GPRIN1: variants seen among roughly 807,000 people sequenced by gnomAD.
GPRIN1 encodes the protein G protein-regulated inducer of neurite outgrowth 1.
Under a neutral mutation model 2.8 loss-of-function variants are expected in GPRIN1, and 4 were observed. That is an observed-to-expected ratio of 1.45 (90% CI 0.71 to 3.32). The LOEUF (loss-of-function observed/expected upper bound fraction) is 3.32, where lower values mean the gene tolerates loss of function less well. Among genes scored for constraint, GPRIN1 ranks in the 30% most tolerant of loss-of-function variants. GPRIN1 has a pLI of 0.01. For synonymous variants in GPRIN1, 589 were observed against 589.9 expected, an observed-to-expected ratio of 1.00 and a Z score of 0.02; for missense variants, 1,322 against 1,343.4, an observed-to-expected ratio of 0.98 and a Z score of 0.25.
Position 176,598,822 on chromosome 5 carries a change from G to C in GPRIN1, c.1013C>G (p.Ala338Gly). The stretch of plus-strand genomic sequence containing the variant: ...ATCCAGCCTTCCCAAGGACCCAGGA[G>C]CCCCGGTCCCAGAGGATACAGGCCC... ...KNGPVSSGTG[A>G]PGSLGRLDPT... The change falls in exon 2 of 2, where the codon GCT (alanine) becomes GGT (glycine). Residue 338 changes from alanine to glycine, a missense_variant. By Grantham distance (60) the Ala-to-Gly change is moderately conservative (BLOSUM62 0). Transcript: ENST00000303991. 6.2e-7 allele frequency: 1 copy of C among 1,613,424 alleles called. No individual in the cohort carries two copies. The highest frequency in any genetic ancestry group is 8.5e-7 in the Non-Finnish European group (1 of 1,179,878).
At position 176,596,609 on chromosome 5, in the gene GPRIN1, TG is replaced by T; in HGVS notation, c.*198del. ...AGGGCTGGCCGGGTTCGTGGCCTCG[TG>T]GCCACGAGGGAGCTTGGTAGAAGGG... On this transcript the variant is annotated 3_prime_UTR_variant, in exon 2 of 2. Transcript: ENST00000303991. This position sits in a 1 kb window ranked among gnomAD's most constrained non-coding sequence, Gnocchi z 5.2. 2.9e-6 allele frequency: 1 copy of T among 345,290 alleles called. No individual in the cohort carries two copies. The highest frequency in any genetic ancestry group is 4.8e-6 in the Non-Finnish European group (1 of 206,978). 21.4% of individuals were successfully genotyped at this position (345,290 alleles called of 1,614,324 possible). A position where few individuals can be genotyped will look rare whatever the true frequency, so the allele number is the denominator to read the frequency against.
At chr5:176,603,798 C>T (rs914962893) in intron 1 of GPRIN1, among the ~76,000 whole-genome samples, 1 of 152,118 alleles carries the variant, frequency 6.6e-6, no homozygotes, top group East Asian at 1.9e-4. Flanking sequence ...ATTTGAGTGG[C>T]GTGAATTGAG....
Position 176,599,411 on chromosome 5 carries a change from A to T in GPRIN1, c.424T>A (p.Ser142Thr). The T allele has an allele frequency of 2.5e-6, 4 of 1,614,174 alleles. No homozygotes were observed. The highest frequency in any genetic ancestry group is 3.4e-6 in the Non-Finnish European group (4 of 1,180,022). The change falls in exon 2 of 2, where the codon TCA (serine) becomes ACA (threonine). Residue 142 changes from serine (S) to threonine (T), a missense_variant. Ser to Thr is a moderately conservative substitution (Grantham distance 58). Coordinates refer to ENST00000303991, the MANE Select transcript of GPRIN1 (RefSeq NM_052899.3). ...AAGAACATGGGATTTCTGTCATCTG[A>T]GGATTTGGGCTCAGTTTTCACGGAG... ...VSSVKTEPKS[S>T]DDRNPMFLEK...
At chr5:176,606,672 C>T (rs1328914562) in intron 1 of GPRIN1, among the ~76,000 whole-genome samples, 3 of 152,178 alleles carry the variant, frequency 2.0e-5, no homozygotes, top group African/African-American at 7.2e-5. Flanking sequence ...ATGGAATTCT[C>T]ACTGTCGTTT....
At position 176,597,842 on chromosome 5, in the gene GPRIN1, G is replaced by C. The variant is rs1759074250; in HGVS notation, c.1993C>G (p.Gln665Glu). The C allele has an allele frequency of 1.2e-6, 2 of 1,613,302 alleles. No homozygotes were observed. Among genetic ancestry groups the C allele is most frequent in the Middle Eastern group, 1.7e-4 (1 of 6,060 alleles). ...CCAGGATCCACCTTCTCTGAGGCCT[G>C]TGGTGTCTCCTTTTTCAAACACACA... ...GAVCLKKETP[Q>E]ASEKVDPGSC... is the part of the protein sequence containing the mutation. Residue 665 changes from glutamine (Q) to glutamate (E), a missense_variant, in exon 2 of 2, where the codon CAG becomes GAG. By Grantham distance (29) the Gln-to-Glu change is conservative (BLOSUM62 2). Transcript: ENST00000303991. This position sits in a 1 kb window ranked among gnomAD's most constrained non-coding sequence, Gnocchi z 6.1.
At chr5:176,603,040 C>T (rs1214355971) in intron 1 of GPRIN1, among the ~76,000 whole-genome samples, 1 of 151,968 alleles carries the variant, frequency 6.6e-6, no homozygotes, top group African/African-American at 2.4e-5. Flanking sequence ...TTGTGCGCCC[C>T]TTTGTGATGT....
rs1180124195 is a variant in GPRIN1 at position 176,595,915 on chromosome 5, CA to C, written c.*892del. On this transcript the variant is annotated 3_prime_UTR_variant, in exon 2 of 2. Coordinates refer to ENST00000303991, the MANE Select transcript of GPRIN1 (RefSeq NM_052899.3). ...TCACAAGGGACTTGGGCTCACAGCA[CA>C]GGGGGGACAAGGGGCTGGAGAGGGT... 7 of 394,896 alleles carry C rather than the reference CA, an allele frequency of 1.8e-5. No homozygotes were observed. Among genetic ancestry groups the C allele is most frequent in the Non-Finnish European group, 3.1e-5 (7 of 222,926 alleles). The allele number at this position is 394,896 out of a possible 1,614,324, so 24.5% of individuals were successfully genotyped here.
rs978744325 is a variant in GPRIN1, at chr5:176,602,359, C to A, written c.-43-2482G>T. On this transcript the variant is annotated intron_variant, in intron 1 of 1. Transcript: ENST00000303991. The surrounding 1 kb of genome is among the most constrained non-coding windows in gnomAD (Gnocchi z 4.4). ...CCATCTGACATATCACATATATTCG[C>A]TTATTGCTTGTGGTGTGTTGCTCTC... Among the ~76,000 whole-genome samples the A allele has an allele frequency of 2.0e-5, 3 of 152,200 alleles. No individual in the cohort carries two copies. Among genetic ancestry groups the A allele is most frequent in the African/African-American group, 7.2e-5 (3 of 41,444 alleles).
intron 1 of GPRIN1, among the ~76,000 whole-genome samples, chr5:176,608,597 G>A (rs1759261444): frequency 6.6e-6 from 1 of 152,230 alleles, no homozygotes; most frequent in Non-Finnish European, 1.5e-5. Context: ...CCCTGCATGT[G>A]CAGAATGGCC....
chr5:176,598,199 G>C lies in GPRIN1; in HGVS notation c.1636C>G (p.Leu546Val). 6.2e-7 allele frequency: 1 copy of C among 1,612,090 alleles called. No homozygotes were observed. The change falls in exon 2 of 2, where the codon CTC becomes GTC. Residue 546 changes from leucine to valine, a missense_variant. Leu to Val is a conservative substitution (Grantham distance 32). Around this residue, in one of 3 missense-constraint regions of GPRIN1, gnomAD observed 1,117 missense variants for 1,128.6 expected, o/e 0.99. Transcript: ENST00000303991. ...APTASGKAEP[L>V]AVGKEDPVSK... ...ACAGGGTCCTCCTTGCCCACCGCGA[G>C]GGGCTCGGCCTTCCCTGAGGCTGTG...
At chr5:176,600,186 T>C (rs564805367) in intron 1 of GPRIN1, among the ~76,000 whole-genome samples, 15 of 152,300 alleles carry the variant, frequency 9.8e-5, no homozygotes, top group African/African-American at 3.6e-4. Context: ...AATGGCGCGA[T>C]CTCAGCTCAC....
chr5:176,600,592 C>T (rs1382476324), intron 1 of GPRIN1, among the ~76,000 whole-genome samples: 2 of 152,124 alleles, frequency 1.3e-5, no homozygotes, highest in East Asian at 3.9e-4. Flanking sequence ...GTGGTGGGGA[C>T]TATGGCAAAT....
rs1554146310 is a variant in GPRIN1, at chr5:176,610,151, T to TCCCGCCCCGCGCC, written c.-197_-196insGGCGCGGGGCGGG. The stretch of plus-strand genomic sequence containing the variant: ...GCCGTCCCCAGCGCCGGCTCCGCGC[T>TCCCGCCCCGCGCC]CCCGCCCCGCGCCCCGCCCCGGGCA... On this transcript the variant is annotated 5_prime_UTR_variant, in exon 1 of 2. Transcript: ENST00000303991. The TCCCGCCCCGCGCC allele has an allele frequency of 4.7e-5, 7 of 147,392 alleles. No homozygotes were observed. The highest frequency in any genetic ancestry group is 1.8e-4 in the African/African-American group (7 of 39,860). 9.1% of individuals were successfully genotyped at this position (147,392 alleles called of 1,614,324 possible). A position where few individuals can be genotyped will look rare whatever the true frequency, so the allele number is the denominator to read the frequency against.
At position 176,597,399 on chromosome 5, in the gene GPRIN1, C is replaced by G; in HGVS notation, c.2436G>C (p.Ala812=). Residue 812 remains alanine (A), a synonymous_variant, in exon 2 of 2, where the codon GCG becomes GCC. Coordinates refer to ENST00000303991, the MANE Select transcript of GPRIN1 (RefSeq NM_052899.3). This position sits in a 1 kb window ranked among gnomAD's most constrained non-coding sequence, Gnocchi z 6.1. ...AGGCCTGCGCGCCCGCCTGAGTGCCCGCGTCCTCGCGCGGCGGCGGCGGGG... is the reference window on the plus strand; with the variant it reads ...AGGCCTGCGCGCCCGCCTGAGTGCCGGCGTCCTCGCGCGGCGGCGGCGGGG... ...ASAPPPPRED[A]GTQAGAQACV... is the part of the protein sequence containing the mutation. The G allele has an allele frequency of 7.7e-7, 1 of 1,290,830 alleles. No homozygotes were observed. Among genetic ancestry groups the G allele is most frequent in the Non-Finnish European group, 9.8e-7 (1 of 1,023,890 alleles). 80.0% of individuals were successfully genotyped at this position (1,290,830 alleles called of 1,614,324 possible). A position where few individuals can be genotyped will look rare whatever the true frequency, so the allele number is the denominator to read the frequency against.
At chr5:176,608,692 C>T (rs1759262684) in intron 1 of GPRIN1, among the ~76,000 whole-genome samples, 1 of 152,214 alleles carries the variant, frequency 6.6e-6, no homozygotes, top group East Asian at 1.9e-4. Flanking sequence ...GCACAGGTGC[C>T]TGTGTCCTGC....
In GPRIN1 at chr5:176,596,598, TCGTGGCCTCGTGGCCA is replaced by T; in HGVS notation, c.*194_*209del. On this transcript the variant is annotated 3_prime_UTR_variant, in exon 2 of 2. Coordinates refer to ENST00000303991, the MANE Select transcript of GPRIN1 (RefSeq NM_052899.3). This position sits in a 1 kb window ranked among gnomAD's most constrained non-coding sequence, Gnocchi z 5.2. ...AGTGGGGCGTCAGGGCTGGCCGGGT[TCGTGGCCTCGTGGCCA>T]CGAGGGAGCTTGGTAGAAGGGGTTC... The T allele has an allele frequency of 3.3e-6, 1 of 306,772 alleles. No homozygotes were observed. The highest frequency in any genetic ancestry group is 5.7e-6 in the Non-Finnish European group (1 of 174,598). 19.0% of individuals were successfully genotyped at this position (306,772 alleles called of 1,614,324 possible). A position where few individuals can be genotyped will look rare whatever the true frequency, so the allele number is the denominator to read the frequency against.
chr5:176,597,084 C>G lies in GPRIN1; in HGVS notation c.2751G>C (p.Glu917Asp), dbSNP rs1245119894. 1 of 1,496,642 alleles carries G rather than the reference C, an allele frequency of 6.7e-7. No individual in the cohort carries two copies. Among genetic ancestry groups the G allele is most frequent in the South Asian group, 1.3e-5 (1 of 78,216 alleles). The allele number at this position is 1,496,642 out of a possible 1,614,324, so 92.7% of individuals were successfully genotyped here. Residue 917 changes from glutamate to aspartate, a missense_variant, in exon 2 of 2, where the codon GAG (glutamate) becomes GAC (aspartate). Around this residue, in one of 3 missense-constraint regions of GPRIN1, gnomAD observed 196 missense variants for 189.2 expected, o/e 1.04. Transcript: ENST00000303991. The surrounding 1 kb of genome is among the most constrained non-coding windows in gnomAD (Gnocchi z 6.1). ...AEPVRDVSWD[E>D]KGMTWEVYGA... ...CGTATACCTCCCACGTCATGCCCTT[C>G]TCGTCCCAGCTCACGTCTCGCACGG...
rs1759040643 is a variant in GPRIN1, at chr5:176,596,766, C to G, written c.*42G>C. 2.2e-6 allele frequency: 3 copies of G among 1,385,120 alleles called. No individual in the cohort carries two copies. Among genetic ancestry groups the G allele is most frequent in the Non-Finnish European group, 1.9e-6 (2 of 1,067,276 alleles). 85.8% of individuals were successfully genotyped at this position (1,385,120 alleles called of 1,614,324 possible). ...TAGGGGCCTGTGATCAAGAAGGGAG[C>G]CTGAGAAGGTCGGAAACTCGGGCGT... On this transcript the variant is annotated 3_prime_UTR_variant, in exon 2 of 2. Coordinates refer to ENST00000303991, the MANE Select transcript of GPRIN1 (RefSeq NM_052899.3). The surrounding 1 kb of genome is among the most constrained non-coding windows in gnomAD (Gnocchi z 5.2).
rs1346497041 is a variant in GPRIN1, at chr5:176,599,360, T to C, written c.475A>G (p.Lys159Glu). ...CCTATGGAAGTGGAATCGGCCTGCTTTGAGGACTTGAAATCCATCTTCTCT... is the reference window on the plus strand; with the variant it reads ...CCTATGGAAGTGGAATCGGCCTGCTCTGAGGACTTGAAATCCATCTTCTCT... ...FLEKMDFKSS[K>E]QADSTSIGKE... The change falls in exon 2 of 2, where the codon AAG becomes GAG. Residue 159 changes from lysine to glutamate, a missense_variant. Physicochemically the swap from Lys to Glu is moderately conservative, Grantham distance 56. Transcript: ENST00000303991. 6.2e-7 allele frequency: 1 copy of C among 1,614,234 alleles called. No individual in the cohort carries two copies. The highest frequency in any genetic ancestry group is 8.5e-7 in the Non-Finnish European group (1 of 1,180,040).
Sources: allele counts gnomAD v4.1 joint callset (sites outside exome capture counted in the v4.1 genomes callset), GRCh38; gene constraint gnomAD v4.1.1; regional missense constraint gnomAD v4.1.1; non-coding constraint Gnocchi (gnomAD v3.1); transcripts MANE v1.5; gene names NCBI Gene and HGNC (gene_info 2026-07-23, HGNC 2026-07-21).